BBX: variants seen among roughly 807,000 people sequenced by gnomAD.
The protein encoded by BBX is BBX high mobility group box domain containing, also known as HMG box transcription factor BBX.
BBX carries 30 observed loss-of-function variants against 100.2 expected under a neutral mutation model. The observed-to-expected ratio is 0.30, with a 90% confidence interval of 0.22 to 0.41. The LOEUF is 0.41. Ranked by LOEUF, BBX falls within the 10% of genes least tolerant of loss-of-function variation. The pLI is 1.00. For synonymous variants in BBX, 376 were observed against 388.1 expected, an observed-to-expected ratio of 0.97 and a Z score of 0.37; for missense variants, 1,023 against 1,129.8, an observed-to-expected ratio of 0.91 and a Z score of 1.35.
In BBX at chr3:107,645,680, T is replaced by C. The variant is rs77142318; in HGVS notation, c.-83-156T>C. ...ACACTTTAGGGCCACTTTCTCTAACTAGCATTGGCATAAGGATATTTGCCT... is the reference window on the plus strand; with the variant it reads ...ACACTTTAGGGCCACTTTCTCTAACCAGCATTGGCATAAGGATATTTGCCT... On this transcript the variant is annotated intron_variant, in intron 2 of 17. Transcript: ENST00000325805. Among the ~76,000 whole-genome samples, 17 of 152,366 alleles carry C rather than the reference T, an allele frequency of 1.1e-4. No individual in the cohort carries two copies. The East Asian group carries it at 3.1e-3, about 28-fold the overall frequency.
intron 3 of BBX, among the ~76,000 whole-genome samples, chr3:107,697,449 A>G (rs1462063525): frequency 1.3e-5 from 2 of 151,646 alleles, no homozygotes; most frequent in African/African-American, 2.4e-5. Context: ...CTGTTGGAGT[A>G]CCTGGCCTTG....
chr3:107,547,674 T>A (rs1174552385), intron 2 of BBX, among the ~76,000 whole-genome samples: 1 of 152,158 alleles, frequency 6.6e-6, no homozygotes, highest in East Asian at 1.9e-4. Context: ...TATCTCACTT[T>A]GAAGATCATA....
rs1448841894 is a variant in BBX at position 107,584,086 on chromosome 3, TATCATA to T, written c.-84+57689_-84+57694del. On this transcript the variant is annotated intron_variant, in intron 2 of 17. Coordinates refer to ENST00000325805, the MANE Select transcript of BBX (RefSeq NM_001142568.3). ...TATCATATATTATATATATTATATA[TATCATA>T]TATTATATATATTATATATTATATA... Among the ~76,000 whole-genome samples, 122 of 25,112 alleles carry T rather than the reference TATCATA, an allele frequency of 4.9e-3. 9 individuals are homozygous for T. The highest frequency in any genetic ancestry group is 0.021 in the African/African-American group (117 of 5,488). The allele number at this position is 25,112 out of a possible 152,430, so 16.5% of individuals were successfully genotyped here.
At chr3:107,536,553 A>G (rs1310219849) in intron 2 of BBX, among the ~76,000 whole-genome samples, 1 of 152,116 alleles carries the variant, frequency 6.6e-6, no homozygotes, top group Non-Finnish European at 1.5e-5. Flanking sequence ...CCCCACCTCC[A>G]AAAAACACCA....
intron 13 of BBX, among the ~76,000 whole-genome samples, chr3:107,782,008 A>G (rs1202384107): frequency 2.0e-5 from 3 of 152,132 alleles, no homozygotes; most frequent in African/African-American, 2.4e-5. Flanking sequence ...TAGATCTCCT[A>G]TTAGGAAATT....
intron 3 of BBX, among the ~76,000 whole-genome samples, chr3:107,676,256 C>T (rs891567294): frequency 6.6e-6 from 1 of 152,120 alleles, no homozygotes; most frequent in African/African-American, 2.4e-5. Context: ...TTATCATAGA[C>T]TAATACTATA....
intron 2 of BBX, among the ~76,000 whole-genome samples, chr3:107,557,165 A>G (rs561314956): frequency 6.6e-6 from 1 of 152,228 alleles, no homozygotes; most frequent in Non-Finnish European, 1.5e-5. Context: ...TAGAAGTAGC[A>G]TTTGAAATTA....
Position 107,565,282 on chromosome 3 carries a change from G to A in BBX, c.-84+38884G>A, listed in dbSNP as rs182669387. On this transcript the variant is annotated intron_variant, in intron 2 of 17. Transcript: ENST00000325805. ...AAAAGTTGTGTCAGCCTGTTCAATC[G>A]TTTAGTTTTCTTCTCTTTATTTTTT... Among the ~76,000 whole-genome samples the A allele has an allele frequency of 1.2e-3, 188 of 150,736 alleles. 2 individuals are homozygous for A. The highest frequency in any genetic ancestry group is 1.6e-3 in the Non-Finnish European group (109 of 67,728).
At chr3:107,615,789 A>C (rs2055209049) in intron 2 of BBX, among the ~76,000 whole-genome samples, 2 of 152,166 alleles carry the variant, frequency 1.3e-5, no homozygotes, top group Admixed American at 6.5e-5. Flanking sequence ...AAAGTAAAAT[A>C]TGCCTGGACT....
chr3:107,778,575 A>G, intron 13 of BBX, 56 bp downstream of exon 13: 1 of 1,575,888 alleles, frequency 6.3e-7, no homozygotes. Flanking sequence ...GTGACCCTTC[A>G]GCCAAGCTTT....
chr3:107,529,554 C>T (rs989985473), intron 2 of BBX, among the ~76,000 whole-genome samples: 2 of 152,234 alleles, frequency 1.3e-5, no homozygotes, highest in African/African-American at 4.8e-5. Flanking sequence ...AATGGAGGCT[C>T]TTCCAGCTTG....
rs2071222797 is a variant in BBX at position 107,809,919 on chromosome 3, G to A, written c.*4462G>A. ...ATTATCTTATTTAGATTGACTAACA[G>A]CATACTTACAATTTTAAAAGAAGCT... On this transcript the variant is annotated 3_prime_UTR_variant, in exon 18 of 18. Coordinates refer to ENST00000325805, the MANE Select transcript of BBX (RefSeq NM_001142568.3). 1 of 152,094 alleles carries A rather than the reference G, an allele frequency of 6.6e-6. No homozygotes were observed. Among genetic ancestry groups the A allele is most frequent in the Non-Finnish European group, 1.5e-5 (1 of 68,018 alleles). 9.4% of individuals were successfully genotyped at this position (152,094 alleles called of 1,614,324 possible). A position where few individuals can be genotyped will look rare whatever the true frequency, so the allele number is the denominator to read the frequency against.
At chr3:107,650,870 A>G (rs1244146490) in intron 3 of BBX, among the ~76,000 whole-genome samples, 5 of 152,236 alleles carry the variant, frequency 3.3e-5, no homozygotes, top group Non-Finnish European at 5.9e-5. Context: ...TCTGGAGGCT[A>G]GAAGTCAGTG....
At chr3:107,587,002 C>T (rs186631780) in intron 2 of BBX, among the ~76,000 whole-genome samples, 23 of 152,122 alleles carry the variant, frequency 1.5e-4, no homozygotes, top group East Asian at 1.2e-3. Context: ...CCATCTCTCT[C>T]GGCCTTCCAA....
rs578126059 is a variant in BBX, at chr3:107,697,551, C to G, written c.-9-12901C>G. On this transcript the variant is annotated intron_variant, in intron 3 of 17. Coordinates refer to ENST00000325805, the MANE Select transcript of BBX (RefSeq NM_001142568.3). ...GACCCACTTGAGGAGGCAGTCTGCC[C>G]GTTCTCAGATCTCCAGCCGCGTGCT... 5.3e-5 allele frequency among the ~76,000 whole-genome samples: 8 copies of G among 151,896 alleles called. No individual in the cohort carries two copies. In the East Asian group the frequency reaches 7.7e-4, roughly 15 times the overall value.
chr3:107,639,808 G>T (rs918842817), intron 2 of BBX, among the ~76,000 whole-genome samples: 1 of 152,104 alleles, frequency 6.6e-6, no homozygotes, highest in Non-Finnish European at 1.5e-5. Context: ...ATTGAAATTG[G>T]TAGGGTTAAA....
In BBX at chr3:107,806,664, A is replaced by C. The variant is rs149582151; in HGVS notation, c.*1207A>C. ...TTTTGTTGCTTTTGAACATAAAACC[A>C]ACCATACATAAGCAGCGCCAAGTGG... On this transcript the variant is annotated 3_prime_UTR_variant, in exon 18 of 18. Coordinates refer to ENST00000325805, the MANE Select transcript of BBX (RefSeq NM_001142568.3). The C allele has an allele frequency of 4.0e-4, 61 of 152,340 alleles. No individual in the cohort carries two copies. The highest frequency in any genetic ancestry group is 1.4e-3 in the African/African-American group (59 of 41,572). The allele number at this position is 152,340 out of a possible 1,614,324, so 9.4% of individuals were successfully genotyped here. A position where few individuals can be genotyped will look rare whatever the true frequency, so the allele number is the denominator to read the frequency against.
intron 3 of BBX, among the ~76,000 whole-genome samples, chr3:107,663,371 A>G (rs1265841287): frequency 6.6e-6 from 1 of 152,186 alleles, no homozygotes; most frequent in African/African-American, 2.4e-5. Flanking sequence ...TATTTATACT[A>G]TGTAGATAAG....
intron 9 of BBX, among the ~76,000 whole-genome samples, chr3:107,754,665 T>G (rs2065337103): frequency 6.6e-6 from 1 of 152,170 alleles, no homozygotes; most frequent in African/African-American, 2.4e-5. Context: ...CCTTTAAGGA[T>G]ATAGTCACAA....
Sources: allele counts gnomAD v4.1 joint callset (sites outside exome capture counted in the v4.1 genomes callset), GRCh38; gene constraint gnomAD v4.1.1; transcripts MANE v1.5; gene names NCBI Gene and HGNC (gene_info 2026-07-23, HGNC 2026-07-21).